TENM3: variants seen among roughly 807,000 people sequenced by gnomAD.
The protein encoded by TENM3 is teneurin-3.
TENM3 carries 63 observed loss-of-function variants against 255.1 expected under a neutral mutation model. The observed-to-expected ratio is 0.25, with a 90% CI of 0.20 to 0.30. The LOEUF (loss-of-function observed/expected upper bound fraction) is 0.30. TENM3 is among the 10% of genes least tolerant of loss of function. The pLI is 1.00. For synonymous variants in TENM3, 1,306 were observed against 1,322.3 expected (o/e 0.99, Z 0.27); for missense variants, 2,929 against 3,461.1 (o/e 0.85, Z 3.86).
rs560123593 is a variant in TENM3 at position 182,658,210 on chromosome 4, C to T, written c.1111+4317C>T. Among the ~76,000 whole-genome samples, 6 of 152,320 alleles carry T rather than the reference C, an allele frequency of 3.9e-5. No individual in the cohort carries two copies. In the South Asian group the frequency reaches 6.2e-4, roughly 16 times the overall value. On this transcript the variant is annotated intron_variant, in intron 6 of 27. Coordinates refer to ENST00000511685, the MANE Select transcript of TENM3 (RefSeq NM_001080477.4). ...ACCATTTAATAGTTAACCTATCCCT[C>T]CTGTTGCAATAGTCTTTCCTTAGCT...
the TENM3 span, among the ~76,000 whole-genome samples, chr4:181,801,374 A>G: frequency 6.6e-6 from 1 of 151,890 alleles, no homozygotes; most frequent in Admixed American, 6.6e-5. Flanking sequence ...GCCTGCATTT[A>G]TTTTCCAGCC....
chr4:181,894,954 G>C, the TENM3 span, among the ~76,000 whole-genome samples: 1 of 152,026 alleles, frequency 6.6e-6, no homozygotes, highest in Non-Finnish European at 1.5e-5. Context: ...AGGGTCATTT[G>C]TACAATTCCG....
chr4:182,597,950 C>T (rs1747428433), intron 3 of TENM3, among the ~76,000 whole-genome samples: 1 of 152,070 alleles, frequency 6.6e-6, no homozygotes, highest in East Asian at 1.9e-4. Context: ...GAGGCCAAGG[C>T]TGGAGGCTCA....
the TENM3 span, among the ~76,000 whole-genome samples, chr4:181,891,450 C>T: frequency 6.6e-6 from 1 of 152,218 alleles, no homozygotes; most frequent in African/African-American, 2.4e-5. Flanking sequence ...ACCGTGATTC[C>T]CTCCTTCACA....
the TENM3 span, among the ~76,000 whole-genome samples, chr4:182,059,763 GAAAAAAAAA>G: frequency 1.2e-5 from 1 of 86,630 alleles, no homozygotes; most frequent in African/African-American, 5.1e-5. Context: ...AAAAAAAAAA[GAAAAAAAAA>G]AAAAAGAAAA....
Position 182,773,591 on chromosome 4 carries a change from A to G in TENM3, c.5012A>G (p.Asp1671Gly). 1 of 1,613,902 alleles carries G rather than the reference A, an allele frequency of 6.2e-7. No homozygotes were observed. The highest frequency in any genetic ancestry group is 1.1e-5 in the South Asian group (1 of 91,056). Residue 1671 changes from aspartate to glycine, a missense_variant, in exon 23 of 28, where the codon GAT becomes GGT. This residue lies in a region of TENM3 where 1,608 missense variants were observed against 1,884.4 expected (regional missense o/e 0.85). Transcript: ENST00000511685. ...ATTGAGTCATCTAGCCGAGAAGAAG[A>G]TGTCAGCATCACTTCAAATCTGTCC... Reference protein sequence around the residue: ...VDIESSSREEDVSITSNLSSI... With the variant: ...VDIESSSREEGVSITSNLSSI...
In TENM3 at chr4:182,616,594, AT is replaced by A. The variant is rs1321142581; in HGVS notation, c.750-12056del. On this transcript the variant is annotated intron_variant, in intron 4 of 27. Transcript: ENST00000511685. ...CACAGTGAAAAAAAAAAAAAAAAAG[AT>A]AGGTAACTGCAGAACACCTTTTGCA... Among the ~76,000 whole-genome samples the A allele has an allele frequency of 9.9e-4, 91 of 92,188 alleles. 1 individual carries two copies. Among genetic ancestry groups the A allele is most frequent in the Admixed American group, 2.5e-3 (21 of 8,434 alleles). 60.5% of individuals were successfully genotyped at this position (92,188 alleles called of 152,430 possible).
At chr4:182,161,154 C>A (rs200921262) in intron 1 of TENM3, among the ~76,000 whole-genome samples, 1 of 146,012 alleles carries the variant, frequency 6.8e-6, no homozygotes, top group Non-Finnish European at 1.5e-5. Flanking sequence ...CGGTGGCTCA[C>A]GCCTGTAATC....
intron 1 of TENM3, among the ~76,000 whole-genome samples, chr4:182,271,669 G>A (rs1004800091): frequency 4.7e-4 from 72 of 152,290 alleles, no homozygotes; most frequent in African/African-American, 1.7e-3. Context: ...AAGCAGTGGC[G>A]ATATTTTTAC....
chr4:181,614,876 G>A, the TENM3 span, among the ~76,000 whole-genome samples: 1 of 152,234 alleles, frequency 6.6e-6, no homozygotes, highest in African/African-American at 2.4e-5. Context: ...AGGTAAAAGA[G>A]AAAGTATAGG....
At chr4:182,027,633 C>T in the TENM3 span, among the ~76,000 whole-genome samples, 3 of 150,984 alleles carry the variant, frequency 2.0e-5, no homozygotes, top group African/African-American at 4.9e-5. Context: ...TTTTATTATG[C>T]ATGTTCCTTC....
chr4:181,650,682 C>G, the TENM3 span, among the ~76,000 whole-genome samples: 6 of 152,234 alleles, frequency 3.9e-5, no homozygotes, highest in Non-Finnish European at 5.9e-5. Context: ...TCATTTCATA[C>G]AATTAATTGA....
chr4:182,651,416 C>T (rs1167980840), intron 5 of TENM3, among the ~76,000 whole-genome samples: 5 of 152,092 alleles, frequency 3.3e-5, no homozygotes, highest in Non-Finnish European at 5.9e-5. Flanking sequence ...TTAGGCCGGG[C>T]GCAGTGGCTC....
Position 182,295,290 on chromosome 4 carries a change from C to T in TENM3, c.-75-28656C>T, listed in dbSNP as rs547212655. Among the ~76,000 whole-genome samples, 7 of 104,040 alleles carry T rather than the reference C, an allele frequency of 6.7e-5. No homozygotes were observed. In the South Asian group the frequency reaches 1.9e-3, roughly 28 times the overall value. The allele number at this position is 104,040 out of a possible 152,430, so 68.3% of individuals were successfully genotyped here. ...TTTTTTTTTTTTTTTTTTTTTGAGA[C>T]GGAGTCTCACTCTGTCTCCCAGACT... On this transcript the variant is annotated intron_variant, in intron 1 of 27. Coordinates refer to ENST00000511685, the MANE Select transcript of TENM3 (RefSeq NM_001080477.4).
At chr4:181,566,814 G>A in the TENM3 span, among the ~76,000 whole-genome samples, 1 of 152,156 alleles carries the variant, frequency 6.6e-6, no homozygotes, top group East Asian at 1.9e-4. Context: ...GCTAATTTCT[G>A]TGCTTTACTC....
At position 182,355,664 on chromosome 4, in the gene TENM3, A is replaced by G. The variant is rs565667528; in HGVS notation, c.511+8735A>G. On this transcript the variant is annotated intron_variant, in intron 3 of 27. Coordinates refer to ENST00000511685, the MANE Select transcript of TENM3 (RefSeq NM_001080477.4). ...TAGGAAAATAGAAAAGTTTGGATCA[A>G]AAACCAGAAAGGAAAGGGAGACCCA... is the stretch of plus-strand genomic sequence containing the variant. 2.6e-5 allele frequency among the ~76,000 whole-genome samples: 4 copies of G among 152,296 alleles called. No individual in the cohort carries two copies. In the East Asian group the frequency reaches 7.7e-4, roughly 29 times the overall value.
the TENM3 span, among the ~76,000 whole-genome samples, chr4:182,101,137 A>G: frequency 4.4e-5 from 5 of 113,042 alleles, no homozygotes; most frequent in Non-Finnish European, 7.7e-5. Context: ...GAAGGAAGGA[A>G]GGAAAGAAGG....
chr4:181,638,742 A>T, the TENM3 span, among the ~76,000 whole-genome samples: 1 of 152,198 alleles, frequency 6.6e-6, no homozygotes, highest in African/African-American at 2.4e-5. Flanking sequence ...TTAAAATGTT[A>T]CTTTCCTTAA....
the TENM3 span, among the ~76,000 whole-genome samples, chr4:181,951,110 T>C: frequency 6.6e-6 from 1 of 152,240 alleles, no homozygotes; most frequent in Non-Finnish European, 1.5e-5. Flanking sequence ...TTAAAAATCT[T>C]AATTTGGATA....
Sources: allele counts gnomAD v4.1 joint callset (sites outside exome capture counted in the v4.1 genomes callset), GRCh38; gene constraint gnomAD v4.1.1; regional missense constraint gnomAD v4.1.1; transcripts MANE v1.5; gene names NCBI Gene and HGNC (gene_info 2026-07-23, HGNC 2026-07-21).